APOL5: variants seen among roughly 807,000 people sequenced by gnomAD.
APOL5 encodes the protein apolipoprotein L5.
APOL5 carries 29 observed loss-of-function variants against 35.5 expected under a neutral mutation model. The observed-to-expected ratio is 0.82, with a 90% confidence interval of 0.61 to 1.11. The LOEUF is 1.11. Ranked by LOEUF, APOL5 falls within the 50% of genes most tolerant of loss-of-function variation. APOL5 has a pLI of 0.00. For missense variants in APOL5, 514 were observed against 530.4 expected (o/e 0.97, Z 0.30); for synonymous variants, 188 against 200.2 (o/e 0.94, Z 0.51).
upstream of APOL5, among the ~76,000 whole-genome samples, chr22:35,714,022 T>A (rs1253112981): frequency 6.6e-6 from 1 of 152,050 alleles, no homozygotes. Context: ...GAATACAACA[T>A]CTGTGTTGGC....
At chr22:35,720,197 C>G (rs80118962) in intron 1 of APOL5, among the ~76,000 whole-genome samples, 6,191 of 152,324 alleles carry the variant, frequency 0.041, 154 homozygotes, top group Middle Eastern at 0.095. Context: ...GGCCCAGGCC[C>G]GAGGGTGGAA....
At chr22:35,710,328 G>C in the APOL5 span, among the ~76,000 whole-genome samples, 1 of 149,332 alleles carries the variant, frequency 6.7e-6, no homozygotes, top group Non-Finnish European at 1.5e-5. Flanking sequence ...TTTTTGTAGA[G>C]ACAGGGTCTC....
In APOL5 at chr22:35,726,468, C is replaced by G. The variant is rs761542526; in HGVS notation, c.400C>G (p.Leu134Val). ...ADQVDTTHEL[L>V]TKTSLVASSS... Reference sequence around the variant, plus strand: ...CCAAGTTGACACCACTCACGAGTTGCTTACCAAGACCAGCCTGGTGGCCAG... The same window carrying G: ...CCAAGTTGACACCACTCACGAGTTGGTTACCAAGACCAGCCTGGTGGCCAG... The change falls in exon 3 of 5, where the codon CTT becomes GTT. Residue 134 changes from leucine (L) to valine (V), a missense_variant. Coordinates refer to ENST00000249044, the MANE Select transcript of APOL5 (RefSeq NM_030642.1). 3 of 1,614,070 alleles carry G rather than the reference C, an allele frequency of 1.9e-6. No homozygotes were observed. The African/African-American group carries it at 4.0e-5, about 22-fold the overall frequency.
Position 35,726,961 on chromosome 22 carries a change from G to A in APOL5, c.893G>A (p.Gly298Glu). 1 of 1,614,178 alleles carries A rather than the reference G, an allele frequency of 6.2e-7. No homozygotes were observed. Among genetic ancestry groups the A allele is most frequent in the Non-Finnish European group, 8.5e-7 (1 of 1,180,024 alleles). The change falls in exon 3 of 5, where the codon GGG (glycine) becomes GAG (glutamate). Residue 298 changes from glycine to glutamate, a missense_variant. Coordinates refer to ENST00000249044, the MANE Select transcript of APOL5 (RefSeq NM_030642.1). ...GGTGCCTGGGTGATGGGTGCTGCTG[G>A]GGCTGGCTTCTTACTTATGAAAGAC... ...TNGAWVMGAAGAGFLLMKDMS... is the reference protein window; with the variant it reads ...TNGAWVMGAAEAGFLLMKDMS...
rs950220870 is a variant in APOL5, at chr22:35,728,709, C to T, written c.1127-14C>T. 1 of 1,609,328 alleles carries T rather than the reference C, an allele frequency of 6.2e-7. No homozygotes were observed. Among genetic ancestry groups the T allele is most frequent in the Non-Finnish European group, 8.5e-7 (1 of 1,178,194 alleles). ...TCTTGGAAGTTGTAAGACACAGGGA[C>T]TCATGTTCCACAGGGTCTCGCTCAC... On this transcript the variant is annotated splice_polypyrimidine_tract_variant and intron_variant, in intron 3 of 4. Transcript: ENST00000249044.
upstream of APOL5, among the ~76,000 whole-genome samples, chr22:35,714,307 G>A (rs142635691): frequency 0.022 from 3,424 of 152,196 alleles, 125 homozygotes; most frequent in African/African-American, 0.079. Flanking sequence ...GCAAGATTCT[G>A]TCTCAAAAAA....
chr22:35,719,901 A>G (rs1478117527), intron 1 of APOL5, among the ~76,000 whole-genome samples: 12 of 151,970 alleles, frequency 7.9e-5, no homozygotes, highest in Admixed American at 7.9e-4. Context: ...TTCTCAGCAG[A>G]TGGATGGGGA....
upstream of APOL5, among the ~76,000 whole-genome samples, chr22:35,717,233 A>ATAT (rs71324555): frequency 1.0e-3 from 38 of 37,294 alleles, 1 homozygote; most frequent in African/African-American, 3.9e-3. Flanking sequence ...AAAAAAAAAA[A>ATAT]AAATATATAT....
At chr22:35,712,507 C>T in the APOL5 span, among the ~76,000 whole-genome samples, 4 of 152,268 alleles carry the variant, frequency 2.6e-5, no homozygotes, top group East Asian at 3.9e-4. Flanking sequence ...CATAAGCCAC[C>T]GTACCTAACC....
At chr22:35,714,182 C>G (rs897454806), upstream of APOL5, among the ~76,000 whole-genome samples, 2 of 152,020 alleles carry the variant, frequency 1.3e-5, no homozygotes, top group African/African-American at 4.8e-5. Flanking sequence ...CGTGGTGGTG[C>G]GCACCTGTAA....
chr22:35,725,339 C>A (rs1019096087), intron 2 of APOL5, among the ~76,000 whole-genome samples: 3 of 152,056 alleles, frequency 2.0e-5, no homozygotes, highest in Non-Finnish European at 4.4e-5. Flanking sequence ...TATTTCGGCT[C>A]ACTGCAACCT....
Position 35,726,265 on chromosome 22 carries a change from T to C in APOL5, c.197T>C (p.Val66Ala). 2 of 1,614,062 alleles carry C rather than the reference T, an allele frequency of 1.2e-6. No homozygotes were observed. Among genetic ancestry groups the C allele is most frequent in the Non-Finnish European group, 1.7e-6 (2 of 1,179,932 alleles). ...AAAATTAACAATTTGATGTCAACTG[T>C]CCACAGTGATGAGGCTGGTATGCTG... ...SWKINNLMST[V>A]HSDEAGMLSY... Residue 66 changes from valine (V) to alanine (A), a missense_variant, in exon 3 of 5, where the codon GTC (valine) becomes GCC (alanine). Val to Ala is a moderately conservative substitution (Grantham distance 64). This residue lies in a region of APOL5 where 254 missense variants were observed against 254.7 expected (regional missense o/e 1.00). Coordinates refer to ENST00000249044, the MANE Select transcript of APOL5 (RefSeq NM_030642.1).
Position 35,726,779 on chromosome 22 carries a change from C to A in APOL5, c.711C>A (p.Ile237=). ...GTGTTAATAAGTGTGTAAAAGCTAT[C>A]CAGGGCATCAAGGATCTTCATGCCT... The part of the protein sequence containing the change: ...GFCVNKCVKA[I]QGIKDLHAYQ... The change falls in exon 3 of 5, where the codon ATC becomes ATA. Residue 237 remains isoleucine, a synonymous_variant. Transcript: ENST00000249044. 6.2e-7 allele frequency: 1 copy of A among 1,614,166 alleles called. No homozygotes were observed. The highest frequency in any genetic ancestry group is 8.5e-7 in the Non-Finnish European group (1 of 1,180,040).
At chr22:35,727,843 C>G (rs1927223550) in intron 3 of APOL5, among the ~76,000 whole-genome samples, 1 of 152,160 alleles carries the variant, frequency 6.6e-6, no homozygotes, top group Admixed American at 6.5e-5. Flanking sequence ...CTAGACTCTC[C>G]TATGTAGAGA....
At chr22:35,712,966 G>A (rs995670526), upstream of APOL5, among the ~76,000 whole-genome samples, 1 of 152,138 alleles carries the variant, frequency 6.6e-6, no homozygotes, top group Non-Finnish European at 1.5e-5. Context: ...GAACCAATCC[G>A]GATTCACTGC....
upstream of APOL5, among the ~76,000 whole-genome samples, chr22:35,717,222 C>CAAAAAAAAAA (rs71322978): frequency 4.5e-5 from 3 of 66,882 alleles, no homozygotes; most frequent in African/African-American, 1.6e-4. Context: ...TCCATCTCTA[C>CAAAAAAAAAA]AAAAAAAAAA....
At chr22:35,715,059 C>T (rs1478903147), upstream of APOL5, among the ~76,000 whole-genome samples, 1 of 152,142 alleles carries the variant, frequency 6.6e-6, no homozygotes, top group Non-Finnish European at 1.5e-5. Flanking sequence ...TGTACATAAT[C>T]AAACACAAGA....
Position 35,726,071 on chromosome 22 carries a change from G to A in APOL5, c.143-140G>A, listed in dbSNP as rs951964790. On this transcript the variant is annotated intron_variant, in intron 2 of 4. Transcript: ENST00000249044. ...TGGAGGTTAGAAGCAAGATGAAGCC[G>A]GTTAGGTCAGACCCCTTTCACTGCT... The A allele has an allele frequency of 3.2e-5, 28 of 865,552 alleles. No individual in the cohort carries two copies. The East Asian group carries it at 3.4e-4, about 10-fold the overall frequency. The allele number at this position is 865,552 out of a possible 1,614,324, so 53.6% of individuals were successfully genotyped here. A position where few individuals can be genotyped will look rare whatever the true frequency, so the allele number is the denominator to read the frequency against.
chr22:35,725,696 A>T (rs1208372671), intron 2 of APOL5, among the ~76,000 whole-genome samples: 1 of 152,142 alleles, frequency 6.6e-6, no homozygotes, highest in Non-Finnish European at 1.5e-5. Context: ...AGAGGCCACA[A>T]GACCAGATGA....
Sources: gnomAD v4.1 joint callset for allele counts (sites outside exome capture counted in the v4.1 genomes callset) on GRCh38, gnomAD v4.1.1 for gene constraint, gnomAD v4.1.1 regional missense constraint, MANE v1.5 for transcripts, NCBI Gene and HGNC (gene_info 2026-07-23, HGNC 2026-07-21) for gene names.